Variants in PHF24 observed in about 807,000 individuals in gnomAD.
PHF24 encodes the protein PHD finger protein 24, also known as Galpha inhibitory interacting protein.
In PHF24, 25 loss-of-function variants were observed where a neutral mutation model predicts 42.6. The ratio of observed to expected loss-of-function variants is 0.59; its 90% CI spans 0.43 to 0.82. PHF24 has a LOEUF of 0.82. Ranked by LOEUF, PHF24 falls within the 40% of genes least tolerant of loss-of-function variation. The probability of loss-of-function intolerance (pLI) is 0.00; values close to 1 mark genes in which losing one functional copy is unlikely to be tolerated. For synonymous variants in PHF24, 185 were observed against 204.8 expected (o/e 0.90, Z 0.83); for missense variants, 470 against 538.1 (o/e 0.87, Z 1.25).
At chr9:34,798,684 AG>A in the PHF24 span, among the ~76,000 whole-genome samples, 1 of 152,196 alleles carries the variant, frequency 6.6e-6, no homozygotes, top group Non-Finnish European at 1.5e-5. Context: ...ATGCAAGTGC[AG>A]GTGTCTTTTT....
the PHF24 span, among the ~76,000 whole-genome samples, chr9:34,684,675 C>G: frequency 6.6e-6 from 1 of 152,184 alleles, no homozygotes; most frequent in Non-Finnish European, 1.5e-5. Flanking sequence ...CTGGCTTCCT[C>G]TTGGGAGAGG....
At chr9:34,866,710 C>G in the PHF24 span, among the ~76,000 whole-genome samples, 1 of 152,210 alleles carries the variant, frequency 6.6e-6, no homozygotes, top group Non-Finnish European at 1.5e-5. Context: ...CCTGGTCTGC[C>G]TATTTTCCAG....
the PHF24 span, among the ~76,000 whole-genome samples, chr9:34,910,681 A>G: frequency 4.0e-3 from 607 of 152,342 alleles, 2 homozygotes; most frequent in Non-Finnish European, 6.8e-3. Flanking sequence ...ATAGTAGTCT[A>G]TGTTACTAAG....
chr9:34,766,867 A>G, the PHF24 span, among the ~76,000 whole-genome samples: 1 of 152,164 alleles, frequency 6.6e-6, no homozygotes, highest in Non-Finnish European at 1.5e-5. Flanking sequence ...GGTGATGTAC[A>G]GATGGGTTTT....
At chr9:34,726,815 A>T in the PHF24 span, 6 of 1,551,788 alleles carry the variant, frequency 3.9e-6, no homozygotes, top group Non-Finnish European at 4.4e-6. Context: ...AGACGTAGAC[A>T]GCATCTCTAG....
chr9:34,881,496 C>T, the PHF24 span, among the ~76,000 whole-genome samples: 2 of 152,038 alleles, frequency 1.3e-5, no homozygotes, highest in Non-Finnish European at 2.9e-5. Context: ...AGAGAAGAAT[C>T]AAATAGACGC....
the PHF24 span, among the ~76,000 whole-genome samples, chr9:34,937,578 C>T: frequency 2.6e-5 from 4 of 151,874 alleles, no homozygotes; most frequent in Non-Finnish European, 4.4e-5. Flanking sequence ...TCTGCTAACC[C>T]TCCCTCCACT....
chr9:34,682,028 G>A, the PHF24 span, among the ~76,000 whole-genome samples: 1 of 6,810 alleles, frequency 1.5e-4, no homozygotes, highest in Non-Finnish European at 5.2e-4. Flanking sequence ...AGGATGGAGT[G>A]CAGTGTCATG....
At chr9:34,977,101 C>T (rs751834745) in exon 6 of PHF24, 16 of 1,606,554 alleles carry the variant, frequency 1.0e-5, no homozygotes, top group African/African-American at 1.3e-5. Context: ...GTTGAGGCTT[C>T]TGACAGTGAA....
the PHF24 span, among the ~76,000 whole-genome samples, chr9:34,936,295 T>C: frequency 5.3e-5 from 8 of 152,222 alleles, no homozygotes; most frequent in African/African-American, 1.9e-4. Flanking sequence ...GGTCTCCAGC[T>C]CCTAACCGCG....
At chr9:34,944,165 T>A in the PHF24 span, among the ~76,000 whole-genome samples, 1 of 152,212 alleles carries the variant, frequency 6.6e-6, no homozygotes, top group Non-Finnish European at 1.5e-5. Context: ...CTAGGGTTCT[T>A]GCCAGGGTGT....
chr9:34,838,646 C>T, the PHF24 span: 1 of 530,180 alleles, frequency 1.9e-6, no homozygotes. Flanking sequence ...CCTCCTGTTT[C>T]ATAAGGTACA....
At chr9:34,756,667 T>C in the PHF24 span, among the ~76,000 whole-genome samples, 1 of 152,190 alleles carries the variant, frequency 6.6e-6, no homozygotes, top group East Asian at 1.9e-4. Flanking sequence ...CTTTGTTCTT[T>C]TTGCTCAGGA....
At chr9:34,723,642 C>T in the PHF24 span, 14 of 1,551,688 alleles carry the variant, frequency 9.0e-6, no homozygotes, top group South Asian at 4.8e-5. Context: ...TTCTTTTGAG[C>T]ATGGACTGGC....
the PHF24 span, among the ~76,000 whole-genome samples, chr9:34,863,366 AGTG>A: frequency 6.6e-6 from 1 of 151,816 alleles, no homozygotes; most frequent in African/African-American, 2.4e-5. Flanking sequence ...GCACAGTCCC[AGTG>A]GTGGTGGCCA....
the PHF24 span, among the ~76,000 whole-genome samples, chr9:34,812,814 T>G: frequency 6.6e-6 from 1 of 152,360 alleles, no homozygotes; most frequent in South Asian, 2.1e-4. Context: ...CAGTGGGAAC[T>G]ATCCCGATTG....
chr9:34,700,126 A>G, the PHF24 span, among the ~76,000 whole-genome samples: 1 of 152,214 alleles, frequency 6.6e-6, no homozygotes, highest in African/African-American at 2.4e-5. Context: ...AAGGAGGCCA[A>G]AAGGGGAGGG....
the PHF24 span, among the ~76,000 whole-genome samples, chr9:34,943,381 C>G: frequency 6.6e-5 from 10 of 152,226 alleles, no homozygotes; most frequent in South Asian, 2.1e-3. Context: ...CTAAGTATAC[C>G]AGTGCAGTCA....
At chr9:34,729,581 A>C in the PHF24 span, 1 of 735,572 alleles carries the variant, frequency 1.4e-6, no homozygotes, top group African/African-American at 1.8e-5. Flanking sequence ...CTCCTGTTTC[A>C]TAAGGTACAT....
Sources: gnomAD v4.1 joint callset for allele counts (sites outside exome capture counted in the v4.1 genomes callset) on GRCh38, gnomAD v4.1.1 for gene constraint, MANE v1.5 for transcripts, NCBI Gene and HGNC (gene_info 2026-07-23, HGNC 2026-07-21) for gene names.